Variants in MICU2 observed in about 807,000 individuals in gnomAD.
MICU2 encodes the protein calcium uptake protein 2, mitochondrial.
Under a neutral mutation model 60.4 loss-of-function variants are expected in MICU2, and 64 were observed. The observed-to-expected ratio is 1.06, with a 90% CI of 0.87 to 1.31. The LOEUF is 1.31. MICU2 is among the 50% of genes most tolerant of loss of function. MICU2 has a pLI of 0.00. For synonymous variants in MICU2, 201 were observed against 175.0 expected, an observed-to-expected ratio of 1.15 and a Z score of -1.17; for missense variants, 569 against 531.0, an observed-to-expected ratio of 1.07 and a Z score of -0.70.
intron 1 of MICU2, among the ~76,000 whole-genome samples, chr13:21,584,862 C>T (rs2761920): frequency 0.98 from 148,527 of 152,302 alleles, 72,516 homozygotes; most frequent in Middle Eastern, 1. Context: ...TTCATAAAAC[C>T]CCAAAATTCA....
chr13:21,569,755 T>C (rs1888065611), intron 1 of MICU2, among the ~76,000 whole-genome samples: 1 of 151,534 alleles, frequency 6.6e-6, no homozygotes, highest in Non-Finnish European at 1.5e-5. Flanking sequence ...TTTACATACA[T>C]GTTCTTACTC....
intron 10 of MICU2, 139 bp from the exon 11 acceptor site, chr13:21,495,457 A>G: frequency 1.3e-6 from 1 of 785,138 alleles, no homozygotes; most frequent in Non-Finnish European, 1.9e-6. Flanking sequence ...AAAAATACCC[A>G]TGAAGAAAAT....
At chr13:21,558,508 C>T (rs944296790) in intron 2 of MICU2, among the ~76,000 whole-genome samples, 1 of 152,180 alleles carries the variant, frequency 6.6e-6, no homozygotes, top group African/African-American at 2.4e-5. Context: ...ACCACAACCT[C>T]CACGTGTTTT....
intron 9 of MICU2, among the ~76,000 whole-genome samples, chr13:21,497,151 T>A (rs976558672): frequency 6.7e-6 from 1 of 148,962 alleles, no homozygotes; most frequent in Middle Eastern, 3.2e-3. Context: ...GGCAGGCAGA[T>A]CACCTGAGGT....
intron 2 of MICU2, among the ~76,000 whole-genome samples, chr13:21,542,739 A>C (rs1056113495): frequency 2.6e-5 from 4 of 152,200 alleles, no homozygotes; most frequent in Non-Finnish European, 5.9e-5. Context: ...GATTCCACCC[A>C]TATTAGAGAT....
intron 4 of MICU2, among the ~76,000 whole-genome samples, chr13:21,525,593 C>CT (rs989578666): frequency 5.6e-4 from 81 of 144,620 alleles, no homozygotes; most frequent in Middle Eastern, 3.5e-3. Flanking sequence ...CTTGTATTTT[C>CT]TTTTTTTTTT....
chr13:21,544,516 G>GAAAAAAAAAA (rs10628955), intron 2 of MICU2, among the ~76,000 whole-genome samples: 12 of 77,348 alleles, frequency 1.6e-4, no homozygotes, highest in Admixed American at 2.9e-4. Context: ...ATAAACACAT[G>GAAAAAAAAAA]AAAAAAAAAA....
intron 2 of MICU2, among the ~76,000 whole-genome samples, chr13:21,543,639 A>G (rs1360502589): frequency 2.0e-5 from 3 of 152,182 alleles, no homozygotes; most frequent in Non-Finnish European, 4.4e-5. Flanking sequence ...AAAAATAACT[A>G]CAAAACACTG....
intron 4 of MICU2, among the ~76,000 whole-genome samples, chr13:21,535,627 C>T (rs1252505238): frequency 1.3e-5 from 2 of 151,802 alleles, no homozygotes; most frequent in Admixed American, 6.6e-5. Flanking sequence ...GAGGCTAAGG[C>T]TCAGTTAATA....
chr13:21,574,684 A>G (rs1888185377), intron 1 of MICU2, among the ~76,000 whole-genome samples: 1 of 152,232 alleles, frequency 6.6e-6, no homozygotes, highest in Non-Finnish European at 1.5e-5. Flanking sequence ...ATATATATAC[A>G]TGGCATTAGA....
At chr13:21,574,677 T>C (rs1888184941) in intron 1 of MICU2, among the ~76,000 whole-genome samples, 1 of 152,238 alleles carries the variant, frequency 6.6e-6, no homozygotes, top group Non-Finnish European at 1.5e-5. Context: ...TTTCAATATA[T>C]ATATACATGG....
chr13:21,566,722 A>C (rs1887990891), intron 2 of MICU2, 75 bp downstream of exon 2: 5 of 1,232,740 alleles, frequency 4.1e-6, no homozygotes, highest in Non-Finnish European at 5.6e-6. Flanking sequence ...AAAAGCTGTT[A>C]TCAATCCTGA....
At chr13:21,525,399 G>C (rs1042269886) in intron 4 of MICU2, among the ~76,000 whole-genome samples, 1 of 151,724 alleles carries the variant, frequency 6.6e-6, no homozygotes, top group Non-Finnish European at 1.5e-5. Context: ...CACCATGTTA[G>C]CCAGGATGAT....
intron 9 of MICU2, among the ~76,000 whole-genome samples, chr13:21,498,084 C>T (rs1878214333): frequency 6.6e-6 from 1 of 151,884 alleles, no homozygotes; most frequent in South Asian, 2.1e-4. Flanking sequence ...GTAAATTCTT[C>T]CCTGCCTGAA....
intron 2 of MICU2, among the ~76,000 whole-genome samples, chr13:21,552,822 G>A (rs543929089): frequency 2.0e-5 from 3 of 152,256 alleles, no homozygotes; most frequent in South Asian, 2.1e-4. Flanking sequence ...ATGCTGTTTT[G>A]GTTACTGTAG....
intron 11 of MICU2, 71 bp from the exon 12 acceptor site, chr13:21,493,424 G>C: frequency 9.4e-7 from 1 of 1,069,038 alleles, no homozygotes; most frequent in East Asian, 2.5e-5. Context: ...TATACTTTAC[G>C]TTACTGTTTA....
intron 1 of MICU2, among the ~76,000 whole-genome samples, chr13:21,579,033 G>C (rs534602756): frequency 1.3e-5 from 2 of 152,292 alleles, no homozygotes; most frequent in Admixed American, 1.3e-4. Flanking sequence ...GGTTGATTAA[G>C]GTTTTAGTGG....
At chr13:21,583,902 T>C (rs761475857) in intron 1 of MICU2, among the ~76,000 whole-genome samples, 2 of 152,224 alleles carry the variant, frequency 1.3e-5, no homozygotes, top group East Asian at 1.9e-4. Flanking sequence ...TTAAGAAACA[T>C]AGAAATCAAC....
intron 1 of MICU2, among the ~76,000 whole-genome samples, chr13:21,568,084 C>T (rs192921413): frequency 2.6e-5 from 4 of 152,324 alleles, no homozygotes; most frequent in Admixed American, 2.0e-4. Flanking sequence ...AGTATCCTTC[C>T]TGGACATATC....
Sources: gnomAD v4.1 joint callset for allele counts (sites outside exome capture counted in the v4.1 genomes callset) on GRCh38, gnomAD v4.1.1 for gene constraint, MANE v1.5 for transcripts, NCBI Gene and HGNC (gene_info 2026-07-23, HGNC 2026-07-21) for gene names.